The following ROBO1 variants were observed in gnomAD, a reference collection of about 807,000 sequenced individuals.
The protein encoded by ROBO1 is roundabout guidance receptor 1, also known as roundabout homolog 1.
A neutral mutation model predicts 195.9 loss-of-function variants in ROBO1; 149 were observed. That is an observed-to-expected ratio of 0.76 (90% CI 0.67 to 0.87). The LOEUF is 0.87. Among genes scored for constraint, ROBO1 ranks in the 40% least tolerant of loss-of-function variants. The pLI, the probability that ROBO1 is intolerant of heterozygous loss-of-function variation, is 0.00. For synonymous variants in ROBO1, 816 were observed against 733.2 expected (o/e 1.11, Z -1.82); for missense variants, 1,933 against 2,068.3 (o/e 0.93, Z 1.27).
chr3:79,727,342 GATTA>G (rs1702964861), intron 1 of ROBO1, among the ~76,000 whole-genome samples: 1 of 152,018 alleles, frequency 6.6e-6, no homozygotes, highest in Non-Finnish European at 1.5e-5. Context: ...TAGCTAATAT[GATTA>G]ATTTTGTAGA....
At chr3:79,145,293 C>A (rs2080623323) in intron 2 of ROBO1, among the ~76,000 whole-genome samples, 1 of 151,012 alleles carries the variant, frequency 6.6e-6, no homozygotes, top group African/African-American at 2.4e-5. Flanking sequence ...CATTTATAAT[C>A]TCAACTTTTT....
At chr3:79,016,675 T>C (rs568017318) in intron 3 of ROBO1, among the ~76,000 whole-genome samples, 133 of 152,280 alleles carry the variant, frequency 8.7e-4, no homozygotes, top group African/African-American at 2.7e-3. Flanking sequence ...CATGATAAAA[T>C]GTTCCAACAT....
chr3:78,861,976 AG>A (rs2034871756), intron 4 of ROBO1, among the ~76,000 whole-genome samples: 1 of 152,212 alleles, frequency 6.6e-6, no homozygotes, highest in South Asian at 2.1e-4. Context: ...AGCTCTCCAA[AG>A]ATGTCTATGC....
intron 4 of ROBO1, among the ~76,000 whole-genome samples, chr3:78,927,969 A>G (rs1323816838): frequency 1.3e-5 from 2 of 152,212 alleles, no homozygotes; most frequent in African/African-American, 2.4e-5. Flanking sequence ...TACAACAGCT[A>G]CAACTCACAC....
chr3:79,300,033 G>C (rs1465011707), intron 2 of ROBO1, among the ~76,000 whole-genome samples: 1 of 152,212 alleles, frequency 6.6e-6, no homozygotes, highest in Non-Finnish European at 1.5e-5. Context: ...CCAAGAATAT[G>C]TAGTACTGAG....
intron 2 of ROBO1, among the ~76,000 whole-genome samples, chr3:79,485,819 G>A (rs1046932038): frequency 3.3e-5 from 5 of 152,080 alleles, no homozygotes; most frequent in South Asian, 2.1e-4. Flanking sequence ...CTTACTGTCC[G>A]ATTCTTTATA....
chr3:79,671,188 C>T (rs552384018), intron 1 of ROBO1, among the ~76,000 whole-genome samples: 4 of 151,762 alleles, frequency 2.6e-5, no homozygotes, highest in African/African-American at 7.2e-5. Flanking sequence ...CAATTAATTA[C>T]ATACATTATG....
intron 2 of ROBO1, among the ~76,000 whole-genome samples, chr3:79,229,009 GT>G (rs1229961845): frequency 5.3e-5 from 8 of 152,020 alleles, no homozygotes; most frequent in Non-Finnish European, 1.2e-4. Flanking sequence ...TCCATAAAAT[GT>G]TTTTTCAAAA....
At chr3:79,307,845 C>T (rs2033293454) in intron 2 of ROBO1, among the ~76,000 whole-genome samples, 1 of 151,938 alleles carries the variant, frequency 6.6e-6, no homozygotes, top group South Asian at 2.1e-4. Context: ...GAATAAAGAA[C>T]ATCACAGTGA....
chr3:78,991,315 G>A (rs1180618189), intron 3 of ROBO1, among the ~76,000 whole-genome samples: 2 of 152,122 alleles, frequency 1.3e-5, no homozygotes, highest in Non-Finnish European at 2.9e-5. Context: ...AGAATCTGCT[G>A]CAAAAAAGCT....
At chr3:79,468,912 G>A (rs758709818) in intron 2 of ROBO1, among the ~76,000 whole-genome samples, 45 of 152,252 alleles carry the variant, frequency 3.0e-4, no homozygotes, top group African/African-American at 1.9e-4. Flanking sequence ...TATAATAAAT[G>A]TTAATTACCT....
chr3:79,242,546 C>T (rs1012591914), intron 2 of ROBO1, among the ~76,000 whole-genome samples: 6 of 152,116 alleles, frequency 3.9e-5, no homozygotes, highest in East Asian at 1.9e-4. Context: ...AAAGTAGGTG[C>T]CAATAAAGCC....
At chr3:78,866,782 T>C (rs1489900427) in intron 4 of ROBO1, among the ~76,000 whole-genome samples, 2 of 152,204 alleles carry the variant, frequency 1.3e-5, no homozygotes, top group Admixed American at 6.5e-5. Context: ...AGGCTCTGTC[T>C]ATATTGCATT....
intron 8 of ROBO1, among the ~76,000 whole-genome samples, chr3:78,713,208 T>C (rs1418758592): frequency 6.6e-6 from 1 of 152,156 alleles, no homozygotes; most frequent in African/African-American, 2.4e-5. Flanking sequence ...TTTTATGAGA[T>C]TGAGCTAAAA....
At chr3:79,091,879 G>A (rs2079485600) in intron 3 of ROBO1, among the ~76,000 whole-genome samples, 1 of 152,068 alleles carries the variant, frequency 6.6e-6, no homozygotes, top group Non-Finnish European at 1.5e-5. Context: ...TAGTAGAAGA[G>A]ATCAAATGAT....
intron 2 of ROBO1, among the ~76,000 whole-genome samples, chr3:79,250,199 A>G (rs1009796008): frequency 6.6e-6 from 1 of 152,188 alleles, no homozygotes; most frequent in Non-Finnish European, 1.5e-5. Flanking sequence ...GCACACATGC[A>G]CTATGTTAAG....
chr3:78,944,483 G>T (rs551142356), intron 3 of ROBO1, among the ~76,000 whole-genome samples: 4 of 152,328 alleles, frequency 2.6e-5, no homozygotes, highest in South Asian at 4.1e-4. Flanking sequence ...TCAGCCTCCA[G>T]AACAGATTAA....
intron 2 of ROBO1, among the ~76,000 whole-genome samples, chr3:79,239,924 G>T (rs1475121037): frequency 6.6e-6 from 1 of 152,008 alleles, no homozygotes; most frequent in Admixed American, 6.6e-5. Flanking sequence ...ATATATTTAT[G>T]GTGTGCAACA....
chr3:79,600,021 A>C, intron 1 of ROBO1, among the ~76,000 whole-genome samples: 1 of 152,002 alleles, frequency 6.6e-6, no homozygotes, highest in Admixed American at 6.6e-5. Flanking sequence ...ACACCAAGAC[A>C]GAAAGAAAGC....
Sources: allele counts gnomAD v4.1 joint callset (sites outside exome capture counted in the v4.1 genomes callset), GRCh38; gene constraint gnomAD v4.1.1; transcripts MANE v1.5; gene names NCBI Gene and HGNC (gene_info 2026-07-23, HGNC 2026-07-21).